DACH1: variants seen among roughly 807,000 people sequenced by gnomAD.
The protein encoded by DACH1 is dachshund homolog 1.
A neutral mutation model predicts 54.2 loss-of-function variants in DACH1; 12 were observed. That is an observed-to-expected ratio of 0.22 (90% CI 0.14 to 0.36). DACH1 has a LOEUF of 0.36. Among genes scored for constraint, DACH1 ranks in the 10% least tolerant of loss-of-function variants. The pLI is 1.00. For synonymous variants in DACH1, 386 were observed against 366.2 expected (o/e 1.05, Z -0.62); for missense variants, 805 against 929.8 (o/e 0.87, Z 1.75).
intron 2 of DACH1, among the ~76,000 whole-genome samples, 173 bp downstream of exon 2, chr13:71,681,617 TAAAGA>T (rs1188528930): frequency 1.3e-5 from 2 of 152,208 alleles, no homozygotes; most frequent in Non-Finnish European, 2.9e-5. Context: ...TTATTTTAAA[TAAAGA>T]AAAGATGGTA....
At chr13:71,782,885 TA>T (rs1354482255) in intron 1 of DACH1, among the ~76,000 whole-genome samples, 2 of 152,166 alleles carry the variant, frequency 1.3e-5, no homozygotes, top group Non-Finnish European at 2.9e-5. Flanking sequence ...TTATTTTATC[TA>T]ATTTCTTCAA....
At chr13:71,641,725 C>T (rs1432296741) in intron 2 of DACH1, among the ~76,000 whole-genome samples, 1 of 152,074 alleles carries the variant, frequency 6.6e-6, no homozygotes, top group Non-Finnish European at 1.5e-5. Context: ...GAATGAAGCC[C>T]TTATCTTGGC....
intron 3 of DACH1, among the ~76,000 whole-genome samples, chr13:71,615,083 A>G (rs1404716239): frequency 6.6e-6 from 1 of 152,146 alleles, no homozygotes; most frequent in Non-Finnish European, 1.5e-5. Flanking sequence ...ATATTTTAAG[A>G]TTATCCCATG....
chr13:71,489,609 T>C, intron 6 of DACH1, among the ~76,000 whole-genome samples: 1 of 152,096 alleles, frequency 6.6e-6, no homozygotes, highest in East Asian at 1.9e-4. Flanking sequence ...TGTTCAAATA[T>C]ATTCTTAAGG....
intron 1 of DACH1, among the ~76,000 whole-genome samples, chr13:71,718,741 A>G (rs1475986635): frequency 6.6e-6 from 1 of 152,032 alleles, no homozygotes; most frequent in Non-Finnish European, 1.5e-5. Flanking sequence ...TCTCTTCTAA[A>G]ACTGTATTCC....
intron 2 of DACH1, among the ~76,000 whole-genome samples, chr13:71,643,854 GAAA>G (rs550091772): frequency 1.4e-5 from 2 of 145,048 alleles, no homozygotes; most frequent in Non-Finnish European, 3.0e-5. Context: ...AGGGAAAGAA[GAAA>G]AAAAAAAGAC....
At chr13:71,626,566 C>T (rs1876659777) in intron 3 of DACH1, among the ~76,000 whole-genome samples, 1 of 151,926 alleles carries the variant, frequency 6.6e-6, no homozygotes, top group Non-Finnish European at 1.5e-5. Flanking sequence ...AGTGTTGCCA[C>T]TAAAAAGAAT....
intron 2 of DACH1, among the ~76,000 whole-genome samples, chr13:71,669,028 T>G (rs1413107906): frequency 1.3e-5 from 2 of 152,170 alleles, no homozygotes; most frequent in African/African-American, 4.8e-5. Flanking sequence ...AACATTCAAA[T>G]AGAGAGATAA....
rs190249651 is a variant in DACH1 at position 71,692,338 on chromosome 13, A to G, written c.849-10428T>C. Reference sequence around the variant, plus strand: ...CATAATTATTCTCTAATAGTTTTATACGTCAAATCTTCTCTGTCTGTACTG... The same window carrying G: ...CATAATTATTCTCTAATAGTTTTATGCGTCAAATCTTCTCTGTCTGTACTG... On this transcript the variant is annotated intron_variant, in intron 1 of 10. Transcript: ENST00000613252. 8.7e-4 allele frequency among the ~76,000 whole-genome samples: 133 copies of G among 152,076 alleles called. 1 individual carries two copies. The highest frequency in any genetic ancestry group is 3.4e-3 in the Middle Eastern group (1 of 294).
intron 10 of DACH1, among the ~76,000 whole-genome samples, chr13:71,465,360 C>A (rs531665741): frequency 6.6e-6 from 1 of 151,894 alleles, no homozygotes; most frequent in African/African-American, 2.4e-5. Flanking sequence ...TTTTATGACT[C>A]TTGAAGTATA....
At chr13:71,779,480 T>C (rs1039420066) in intron 1 of DACH1, among the ~76,000 whole-genome samples, 1 of 151,074 alleles carries the variant, frequency 6.6e-6, no homozygotes, top group African/African-American at 2.5e-5. Flanking sequence ...ACGCAAAATA[T>C]ACTTTGAGTA....
At chr13:71,665,828 T>C (rs968036505) in intron 2 of DACH1, among the ~76,000 whole-genome samples, 1 of 152,106 alleles carries the variant, frequency 6.6e-6, no homozygotes, top group Non-Finnish European at 1.5e-5. Flanking sequence ...AGATTTATAA[T>C]TATTTATCAC....
intron 1 of DACH1, among the ~76,000 whole-genome samples, chr13:71,719,138 G>A (rs573295461): frequency 2.1e-4 from 32 of 152,212 alleles, no homozygotes; most frequent in South Asian, 1.2e-3. Flanking sequence ...TAAACCCTGC[G>A]AGGATTTAAT....
chr13:71,452,227 T>G (rs1264731609), intron 10 of DACH1, among the ~76,000 whole-genome samples: 1 of 152,096 alleles, frequency 6.6e-6, no homozygotes, highest in Non-Finnish European at 1.5e-5. Context: ...CCTCCTGGGC[T>G]CCAGTGATCT....
rs1305195348 is a variant in DACH1 at position 71,494,253 on chromosome 13, C to T, written c.1571-5105G>A. On this transcript the variant is annotated intron_variant, in intron 6 of 10. Transcript: ENST00000613252. ...GTATAAAACCACTGCAATTTTGATACTTTGAATTTTGATTTTTTTTTCCTG... is the reference window on the plus strand; with the variant it reads ...GTATAAAACCACTGCAATTTTGATATTTTGAATTTTGATTTTTTTTTCCTG... Among the ~76,000 whole-genome samples the T allele has an allele frequency of 2.6e-5, 4 of 151,950 alleles. No homozygotes were observed. The East Asian group carries it at 7.7e-4, about 29-fold the overall frequency.
intron 6 of DACH1, among the ~76,000 whole-genome samples, chr13:71,524,893 C>T (rs548012033): frequency 1.6e-4 from 24 of 152,150 alleles, no homozygotes; most frequent in Admixed American, 2.6e-4. Flanking sequence ...GTCACTGGTC[C>T]GTGTTTCCTA....
At chr13:71,602,323 T>C (rs1292567644) in intron 3 of DACH1, among the ~76,000 whole-genome samples, 2 of 152,022 alleles carry the variant, frequency 1.3e-5, no homozygotes, top group African/African-American at 4.8e-5. Context: ...ATAGAAAACA[T>C]TGTTAGAAGG....
At chr13:71,755,929 C>T (rs775762654) in intron 1 of DACH1, among the ~76,000 whole-genome samples, 12 of 151,730 alleles carry the variant, frequency 7.9e-5, no homozygotes, top group Non-Finnish European at 1.2e-4. Context: ...TTGGCTGAGA[C>T]GGTATGGAAA....
chr13:71,735,142 G>A (rs1471595592), intron 1 of DACH1, among the ~76,000 whole-genome samples: 2 of 150,748 alleles, frequency 1.3e-5, no homozygotes, highest in Non-Finnish European at 1.5e-5. Context: ...TGGGATACTC[G>A]TATATGGTTT....
Sources: allele counts gnomAD v4.1 joint callset (sites outside exome capture counted in the v4.1 genomes callset), GRCh38; gene constraint gnomAD v4.1.1; transcripts MANE v1.5; gene names NCBI Gene and HGNC (gene_info 2026-07-23, HGNC 2026-07-21).